Variants in SLC5A1 observed in about 807,000 individuals in gnomAD.
The protein encoded by SLC5A1 is sodium/glucose cotransporter 1.
A neutral mutation model predicts 73.5 loss-of-function variants in SLC5A1; 42 were observed. That is an observed-to-expected ratio of 0.57 (90% CI 0.45 to 0.74). SLC5A1 has a LOEUF of 0.74. Among genes scored for constraint, SLC5A1 ranks in the 30% least tolerant of loss-of-function variants. SLC5A1 has a pLI of 0.00. For synonymous variants in SLC5A1, 300 were observed against 317.4 expected (o/e 0.95, Z 0.58); for missense variants, 634 against 855.4 (o/e 0.74, Z 3.23).
intron 2 of SLC5A1, among the ~76,000 whole-genome samples, chr22:32,058,083 G>GAT (rs1317191253): frequency 6.6e-5 from 10 of 151,988 alleles, no homozygotes; most frequent in East Asian, 1.9e-4. Flanking sequence ...GTTAAATTTG[G>GAT]ATATATATAT....
At chr22:32,044,678 G>C (rs1021308861) in intron 1 of SLC5A1, among the ~76,000 whole-genome samples, 1 of 152,126 alleles carries the variant, frequency 6.6e-6, no homozygotes, top group African/African-American at 2.4e-5. Flanking sequence ...GTTCACTACT[G>C]GCTTTCACAT....
intron 6 of SLC5A1, among the ~76,000 whole-genome samples, chr22:32,082,678 AGCTTT>A (rs1258716183): frequency 3.3e-5 from 5 of 152,174 alleles, no homozygotes; most frequent in Non-Finnish European, 7.3e-5. Flanking sequence ...GCAGCCCCAC[AGCTTT>A]GGGGACTAAG....
chr22:32,089,852 C>A (rs2094014130), intron 10 of SLC5A1, among the ~76,000 whole-genome samples: 1 of 152,108 alleles, frequency 6.6e-6, no homozygotes, highest in Non-Finnish European at 1.5e-5. Context: ...CTTGGCCTGG[C>A]CTTCTAGCCT....
At chr22:32,092,199 T>C (rs1437232741) in intron 11 of SLC5A1, among the ~76,000 whole-genome samples, 11 of 152,254 alleles carry the variant, frequency 7.2e-5, no homozygotes, top group African/African-American at 2.7e-4. Context: ...CATATGATGT[T>C]TGGTTTTCCA....
intron 14 of SLC5A1, among the ~76,000 whole-genome samples, chr22:32,108,506 G>A (rs904579319): frequency 3.3e-5 from 5 of 152,122 alleles, no homozygotes; most frequent in African/African-American, 4.8e-5. Flanking sequence ...TTTTGGTGGA[G>A]TGAGTCAAAG....
In SLC5A1 at chr22:32,084,438, G is replaced by T; in HGVS notation, c.665-1G>T. The T allele has an allele frequency of 6.2e-7, 1 of 1,613,812 alleles. No individual in the cohort carries two copies. The highest frequency in any genetic ancestry group is 1.1e-5 in the South Asian group (1 of 91,076). ...TTCATTTCTGTACCGATGTTTTCCA[G>T]CTTTTCACGAAGTGGGAGGCTATGA... is the stretch of plus-strand genomic sequence containing the variant. On this transcript the variant is annotated splice_acceptor_variant, in intron 7 of 14. Coordinates refer to ENST00000266088, the MANE Select transcript of SLC5A1 (RefSeq NM_000343.4). LOFTEE classifies it high-confidence loss of function.
At chr22:32,059,447 T>C in intron 2 of SLC5A1, 5 of 687,516 alleles carry the variant, frequency 7.3e-6, no homozygotes, top group Non-Finnish European at 9.0e-6. Context: ...AGACAGAGCT[T>C]GATGAAGAGG....
intron 5 of SLC5A1, among the ~76,000 whole-genome samples, chr22:32,071,015 G>A (rs897260363): frequency 6.6e-6 from 1 of 152,224 alleles, no homozygotes; most frequent in South Asian, 2.1e-4. Context: ...ACTAGCAGGT[G>A]ACCTGGGGCA....
intron 7 of SLC5A1, among the ~76,000 whole-genome samples, chr22:32,084,066 G>T (rs569825250): frequency 2.2e-4 from 34 of 152,324 alleles, no homozygotes; most frequent in Middle Eastern, 3.4e-3. Context: ...TGAGTCCAAG[G>T]CTCCAAAGGC....
chr22:32,054,276 A>G lies in SLC5A1; in HGVS notation c.207+4262A>G, dbSNP rs183888602. On this transcript the variant is annotated intron_variant, in intron 2 of 14. Coordinates refer to ENST00000266088, the MANE Select transcript of SLC5A1 (RefSeq NM_000343.4). The stretch of plus-strand genomic sequence containing the variant: ...TGTAGTAGTATTCTCTCATTCCACA[A>G]CTGCATGTTGATACCTACTATGTGC... 4.7e-4 allele frequency among the ~76,000 whole-genome samples: 72 copies of G among 152,316 alleles called. 1 individual carries two copies. The highest frequency in any genetic ancestry group is 1.7e-3 in the African/African-American group (72 of 41,552).
At chr22:32,058,748 G>A (rs2149485261) in intron 2 of SLC5A1, among the ~76,000 whole-genome samples, 1 of 152,198 alleles carries the variant, frequency 6.6e-6, no homozygotes, top group East Asian at 1.9e-4. Flanking sequence ...TTCCCCTTAT[G>A]GTCTTGTTCT....
intron 9 of SLC5A1, among the ~76,000 whole-genome samples, chr22:32,085,278 T>C (rs1245069631): frequency 6.6e-6 from 1 of 152,110 alleles, no homozygotes; most frequent in African/African-American, 2.4e-5. Flanking sequence ...TGTACCACCA[T>C]GCCTGCCTAA....
At chr22:32,056,620 G>T (rs185852823) in intron 2 of SLC5A1, among the ~76,000 whole-genome samples, 6,812 of 152,212 alleles carry the variant, frequency 0.045, 205 homozygotes, top group Non-Finnish European at 0.07. Flanking sequence ...GATATCCCAA[G>T]GGAGGAGTCC....
At chr22:32,063,257 T>C (rs1466483926) in intron 2 of SLC5A1, among the ~76,000 whole-genome samples, 1 of 152,206 alleles carries the variant, frequency 6.6e-6, no homozygotes, top group Non-Finnish European at 1.5e-5. Context: ...CAGTATCCAT[T>C]GTAGCTTTTG....
At chr22:32,058,519 C>T (rs2093955449) in intron 2 of SLC5A1, among the ~76,000 whole-genome samples, 1 of 152,142 alleles carries the variant, frequency 6.6e-6, no homozygotes, top group Admixed American at 6.6e-5. Context: ...GTCTGCATCT[C>T]TGATAATTTG....
Position 32,112,944 on chromosome 22 carries a change from G to A in SLC5A1, c.*2731G>A, listed in dbSNP as rs905024507. 2 of 152,068 alleles carry A rather than the reference G, an allele frequency of 1.3e-5. No homozygotes were observed. Among genetic ancestry groups the A allele is most frequent in the African/African-American group, 4.8e-5 (2 of 41,378 alleles). 9.4% of individuals were successfully genotyped at this position (152,068 alleles called of 1,614,324 possible). A position where few individuals can be genotyped will look rare whatever the true frequency, so the allele number is the denominator to read the frequency against. Reference sequence around the variant, plus strand: ...CCTTAATTTAGTCATTTCACAATATGTACATATATAAAAATATGTTGTATG... The same window carrying A: ...CCTTAATTTAGTCATTTCACAATATATACATATATAAAAATATGTTGTATG... On this transcript the variant is annotated 3_prime_UTR_variant, in exon 15 of 15. Coordinates refer to ENST00000266088, the MANE Select transcript of SLC5A1 (RefSeq NM_000343.4).
chr22:32,073,148 C>G (rs2093985359), intron 5 of SLC5A1, among the ~76,000 whole-genome samples: 1 of 152,182 alleles, frequency 6.6e-6, no homozygotes, highest in African/African-American at 2.4e-5. Flanking sequence ...CTTGTTTTCT[C>G]CTTAGAGTTT....
chr22:32,076,405 A>G (rs923830488), intron 5 of SLC5A1, among the ~76,000 whole-genome samples: 2 of 152,208 alleles, frequency 1.3e-5, no homozygotes, highest in Non-Finnish European at 2.9e-5. Context: ...CATCTTATGC[A>G]AATGTGCACA....
At position 32,048,626 on chromosome 22, in the gene SLC5A1, T is replaced by C. The variant is rs1249660144; in HGVS notation, c.136-1317T>C. On this transcript the variant is annotated intron_variant, in intron 1 of 14. Coordinates refer to ENST00000266088, the MANE Select transcript of SLC5A1 (RefSeq NM_000343.4). Reference sequence around the variant, plus strand: ...TGAGGTTCCACCTCTAGATCTGCTGTTTCTGGAATCTTACCACATTCCTCC... The same window carrying C: ...TGAGGTTCCACCTCTAGATCTGCTGCTTCTGGAATCTTACCACATTCCTCC... 3.9e-5 allele frequency among the ~76,000 whole-genome samples: 6 copies of C among 152,196 alleles called. No homozygotes were observed. The South Asian group carries it at 1.2e-3, about 32-fold the overall frequency.
Sources: gnomAD v4.1 joint callset for allele counts (sites outside exome capture counted in the v4.1 genomes callset) on GRCh38, gnomAD v4.1.1 for gene constraint, MANE v1.5 for transcripts, NCBI Gene and HGNC (gene_info 2026-07-23, HGNC 2026-07-21) for gene names.